The following LDLRAD3 variants were observed in gnomAD, a reference collection of about 807,000 sequenced individuals.
LDLRAD3 encodes the protein low density lipoprotein receptor class A domain containing 3.
A neutral mutation model predicts 29.4 loss-of-function variants in LDLRAD3; 20 were observed. That is an observed-to-expected ratio of 0.68 (90% CI 0.48 to 0.99). LDLRAD3 has a LOEUF of 0.99. Ranked by LOEUF, LDLRAD3 falls within the 50% of genes least tolerant of loss-of-function variation. The pLI, the probability that LDLRAD3 is intolerant of heterozygous loss-of-function variation, is 0.00. For synonymous variants in LDLRAD3, 157 were observed against 192.7 expected (o/e 0.81, Z 1.53); for missense variants, 420 against 454.3 (o/e 0.92, Z 0.69).
rs144405186 is a variant in LDLRAD3 at position 36,195,948 on chromosome 11, T to A, written c.455-31137T>A. ...GTTACCCCCTGCTACCTCCCATCAG[T>A]CAAGCATCACCTGATTCAAGGACAT... On this transcript the variant is annotated intron_variant, in intron 4 of 5. Coordinates refer to ENST00000315571, the MANE Select transcript of LDLRAD3 (RefSeq NM_174902.4). 6.2e-3 allele frequency among the ~76,000 whole-genome samples: 940 copies of A among 151,228 alleles called. 14 individuals carry two copies. Among genetic ancestry groups the A allele is most frequent in the African/African-American group, 0.022 (921 of 41,158 alleles).
chr11:36,034,326 GCAGCA>G (rs1307427835), intron 1 of LDLRAD3, among the ~76,000 whole-genome samples: 9 of 152,244 alleles, frequency 5.9e-5, no homozygotes, highest in Admixed American at 2.6e-4. Flanking sequence ...GTTGTGCTGT[GCAGCA>G]ATCCCTGTAA....
intron 2 of LDLRAD3, among the ~76,000 whole-genome samples, chr11:36,070,704 G>T (rs1195942098): frequency 6.6e-6 from 1 of 152,158 alleles, no homozygotes; most frequent in African/African-American, 2.4e-5. Flanking sequence ...TAAAAATGCA[G>T]ATTCCCCTAG....
At chr11:36,155,337 C>A (rs562418615) in intron 4 of LDLRAD3, among the ~76,000 whole-genome samples, 10 of 152,280 alleles carry the variant, frequency 6.6e-5, no homozygotes, top group African/African-American at 2.4e-4. Flanking sequence ...TCCTTTGAAG[C>A]TCTGCCTCAA....
intron 4 of LDLRAD3, among the ~76,000 whole-genome samples, chr11:36,131,518 CATT>C (rs1853925404): frequency 6.6e-6 from 1 of 152,180 alleles, no homozygotes; most frequent in Non-Finnish European, 1.5e-5. Context: ...TAACTGACTA[CATT>C]ATTGTATTTA....
intron 1 of LDLRAD3, among the ~76,000 whole-genome samples, chr11:35,961,792 C>T (rs1187287432): frequency 1.3e-5 from 2 of 152,092 alleles, no homozygotes; most frequent in African/African-American, 2.4e-5. Flanking sequence ...TGCATATTTA[C>T]GGGGTACATG....
At chr11:36,190,637 TAG>T (rs1854926834) in intron 4 of LDLRAD3, among the ~76,000 whole-genome samples, 1 of 152,040 alleles carries the variant, frequency 6.6e-6, no homozygotes, top group Non-Finnish European at 1.5e-5. Context: ...GTAGGAATTC[TAG>T]AGAGAAGAGA....
intron 2 of LDLRAD3, among the ~76,000 whole-genome samples, chr11:36,067,389 G>A (rs548108615): frequency 1.3e-4 from 20 of 152,104 alleles, no homozygotes; most frequent in Non-Finnish European, 2.8e-4. Context: ...ATATTTTATA[G>A]TGTAATATCA....
intron 1 of LDLRAD3, among the ~76,000 whole-genome samples, chr11:35,958,976 C>T (rs981697428): frequency 7.9e-5 from 12 of 152,172 alleles, no homozygotes; most frequent in Non-Finnish European, 1.6e-4. Flanking sequence ...ATCCCCTGCC[C>T]CTCCCAGCAG....
chr11:35,967,328 TAA>T (rs1188137267), intron 1 of LDLRAD3: 4 of 221,902 alleles, frequency 1.8e-5, no homozygotes, highest in Non-Finnish European at 3.6e-5. Flanking sequence ...GAGCAGACTG[TAA>T]AAGTCTTCTG....
intron 1 of LDLRAD3, among the ~76,000 whole-genome samples, chr11:35,974,013 C>CT (rs541128221): frequency 6.6e-6 from 1 of 152,022 alleles, no homozygotes; most frequent in African/African-American, 2.4e-5. Context: ...ATAGCCTTTG[C>CT]TTTTTTTTCC....
intron 1 of LDLRAD3, chr11:35,967,529 TCCAC>T: frequency 2.7e-6 from 1 of 368,714 alleles, no homozygotes. Flanking sequence ...ATCTGCTTTT[TCCAC>T]TTTGAGTTTG....
At chr11:36,123,789 A>G (rs997180695) in intron 4 of LDLRAD3, among the ~76,000 whole-genome samples, 1 of 152,178 alleles carries the variant, frequency 6.6e-6, no homozygotes, top group Non-Finnish European at 1.5e-5. Flanking sequence ...CTCTTGTCCG[A>G]GGGTCTGTGC....
At chr11:36,211,654 T>C (rs1855285111) in intron 4 of LDLRAD3, among the ~76,000 whole-genome samples, 1 of 152,186 alleles carries the variant, frequency 6.6e-6, no homozygotes, top group African/African-American at 2.4e-5. Context: ...GCAGCTCCAG[T>C]GACTGCCTGG....
At chr11:36,111,607 T>C (rs1337324598) in intron 4 of LDLRAD3, among the ~76,000 whole-genome samples, 2 of 151,774 alleles carry the variant, frequency 1.3e-5, no homozygotes, top group Admixed American at 6.6e-5. Flanking sequence ...TTTTTTTTTT[T>C]TTTCTTTCTC....
At chr11:35,986,526 G>A (rs1007201720) in intron 1 of LDLRAD3, among the ~76,000 whole-genome samples, 4 of 152,222 alleles carry the variant, frequency 2.6e-5, no homozygotes, top group African/African-American at 7.2e-5. Context: ...TTCCTGGAAA[G>A]TTTAACACAT....
At chr11:36,197,003 A>G (rs1407643594) in intron 4 of LDLRAD3, 1 of 152,194 alleles carries the variant, frequency 6.6e-6, no homozygotes, top group African/African-American at 2.4e-5. Context: ...TTATCAAGTT[A>G]TAGAAACTTG....
intron 1 of LDLRAD3, among the ~76,000 whole-genome samples, chr11:35,977,108 T>C (rs908439646): frequency 6.6e-6 from 1 of 152,140 alleles, no homozygotes; most frequent in African/African-American, 2.4e-5. Context: ...TGGAGGTAGG[T>C]AATTCAGGGT....
At chr11:36,044,840 C>T (rs1220955526) in intron 2 of LDLRAD3, among the ~76,000 whole-genome samples, 1 of 152,214 alleles carries the variant, frequency 6.6e-6, no homozygotes. Context: ...GCAGTGGGCG[C>T]CCACCCCCAG....
Position 36,111,244 on chromosome 11 carries a change from G to T in LDLRAD3, c.454+12783G>T, listed in dbSNP as rs371017752. On this transcript the variant is annotated intron_variant, in intron 4 of 5. Coordinates refer to ENST00000315571, the MANE Select transcript of LDLRAD3 (RefSeq NM_174902.4). ...CCTTGTGTCTTACTGAGCCCTGCTAGCCTACAGGCAGGATGAGCCTGGGGA... is the reference window on the plus strand; with the variant it reads ...CCTTGTGTCTTACTGAGCCCTGCTATCCTACAGGCAGGATGAGCCTGGGGA... 5.3e-5 allele frequency among the ~76,000 whole-genome samples: 8 copies of T among 152,288 alleles called. No homozygotes were observed. The South Asian group carries it at 8.3e-4, about 16-fold the overall frequency.
Sources: gnomAD v4.1 joint callset for allele counts (sites outside exome capture counted in the v4.1 genomes callset) on GRCh38, gnomAD v4.1.1 for gene constraint, MANE v1.5 for transcripts, NCBI Gene and HGNC (gene_info 2026-07-23, HGNC 2026-07-21) for gene names.